IARS1: variants seen among roughly 807,000 people sequenced by gnomAD.
The protein encoded by IARS1 is isoleucyl-tRNA synthetase 1.
A neutral mutation model predicts 168.2 loss-of-function variants in IARS1; 124 were observed. That is an observed-to-expected ratio of 0.74 (90% CI 0.64 to 0.86). The LOEUF (loss-of-function observed/expected upper bound fraction) is 0.86, where lower values mean the gene tolerates loss of function less well. IARS1 is among the 40% of genes least tolerant of loss of function. IARS1 has a pLI of 0.00. For synonymous variants in IARS1, 532 were observed against 529.4 expected (o/e 1.00, Z -0.07); for missense variants, 1,452 against 1,515.8 (o/e 0.96, Z 0.70).
At chr9:92,291,498 G>GA in intron 1 of IARS1, among the ~76,000 whole-genome samples, 1 of 152,194 alleles carries the variant, frequency 6.6e-6, no homozygotes, top group East Asian at 1.9e-4. Flanking sequence ...TTTAATTTAA[G>GA]AAAAAACAGG....
intron 20 of IARS1, among the ~76,000 whole-genome samples, chr9:92,255,771 A>C (rs1041277688): frequency 6.6e-6 from 1 of 152,078 alleles, no homozygotes; most frequent in African/African-American, 2.4e-5. Flanking sequence ...GCAGATAAAG[A>C]AACTGAAGGT....
At chr9:92,258,632 A>G (rs10120980) in intron 19 of IARS1, among the ~76,000 whole-genome samples, 61,300 of 152,032 alleles carry the variant, frequency 0.4, 14,548 homozygotes, top group African/African-American at 0.66. Context: ...ACTATATGAC[A>G]TAACTCTTTT....
chr9:92,268,940 T>G (rs1228706266), intron 13 of IARS1, among the ~76,000 whole-genome samples: 1 of 152,186 alleles, frequency 6.6e-6, no homozygotes, highest in Non-Finnish European at 1.5e-5. Flanking sequence ...GAAATCCTTT[T>G]CAAGCACAAG....
In IARS1 at chr9:92,228,994, C is replaced by A. The variant is rs1285341000; in HGVS notation, c.3409+7G>T. 1 of 1,613,988 alleles carries A rather than the reference C, an allele frequency of 6.2e-7. No individual in the cohort carries two copies. The highest frequency in any genetic ancestry group is 1.3e-5 in the African/African-American group (1 of 75,038). On this transcript the variant is annotated splice_region_variant and intron_variant, in intron 31 of 33. Coordinates refer to ENST00000443024, the MANE Select transcript of IARS1 (RefSeq NM_002161.6). ...AAGGACGTAGGCTCCTCTCACTTTC[C>A]ACATACCTGTTTCATCATGGAAGAC...
At chr9:92,239,402 A>C (rs1287676997) in intron 30 of IARS1, among the ~76,000 whole-genome samples, 1 of 152,216 alleles carries the variant, frequency 6.6e-6, no homozygotes, top group Admixed American at 6.5e-5. Context: ...TCCTGATGAA[A>C]AATCCAATAT....
chr9:92,291,284 A>T (rs888451607), intron 1 of IARS1, among the ~76,000 whole-genome samples: 4 of 152,186 alleles, frequency 2.6e-5, no homozygotes, highest in Non-Finnish European at 5.9e-5. Flanking sequence ...AATCTTAAGT[A>T]CTCAAGAACC....
intron 8 of IARS1, 29 bp from the exon 9 acceptor site, chr9:92,277,952 T>G (rs1042911443): frequency 2.5e-6 from 4 of 1,603,002 alleles, no homozygotes; most frequent in Non-Finnish European, 3.4e-6. Context: ...AAACTCACAA[T>G]TAGATTAAAA....
intron 33 of IARS1, among the ~76,000 whole-genome samples, chr9:92,216,112 A>G (rs916312285): frequency 3.8e-4 from 58 of 151,662 alleles, no homozygotes; most frequent in South Asian, 1.9e-3. Context: ...AGTGGGGGCC[A>G]ATATTCAACA....
intron 22 of IARS1, 84 bp from the exon 23 acceptor site, chr9:92,250,918 G>T: frequency 1.4e-6 from 2 of 1,431,868 alleles, no homozygotes; most frequent in Non-Finnish European, 1.9e-6. Context: ...AACTAAACAT[G>T]TTAGAGAATG....
Position 92,247,520 on chromosome 9 carries a change from G to A in IARS1, c.2648C>T (p.Thr883Ile). The A allele has an allele frequency of 6.2e-7, 1 of 1,614,016 alleles. No individual in the cohort carries two copies. The highest frequency in any genetic ancestry group is 8.5e-7 in the Non-Finnish European group (1 of 1,179,992). The stretch of plus-strand genomic sequence containing the variant: ...CCGAATGCCATACTTGTTTTTATCT[G>A]TAGACAGTGTAACTTTTCGAACATT... ...ELNVRKVTLS[T>I]DKNKYGIRLR... is the part of the protein sequence containing the mutation. Residue 883 changes from threonine to isoleucine, a missense_variant, in exon 26 of 34, where the codon ACA becomes ATA. Thr to Ile is a moderately conservative substitution (Grantham distance 89). Coordinates refer to ENST00000443024, the MANE Select transcript of IARS1 (RefSeq NM_002161.6).
intron 9 of IARS1, among the ~76,000 whole-genome samples, chr9:92,276,941 C>A (rs1228058320): frequency 1.3e-5 from 2 of 152,154 alleles, no homozygotes; most frequent in Admixed American, 6.5e-5. Flanking sequence ...AATGTATGAG[C>A]TCTGTCGTGG....
chr9:92,278,426 C>T, intron 7 of IARS1, 140 bp from the exon 8 acceptor site: 1 of 651,258 alleles, frequency 1.5e-6, no homozygotes, highest in Non-Finnish European at 2.8e-6. Flanking sequence ...CAGAGAAATA[C>T]TGCAAAGAAC....
chr9:92,235,750 C>A (rs1169676787), intron 30 of IARS1, among the ~76,000 whole-genome samples: 1 of 151,938 alleles, frequency 6.6e-6, no homozygotes, highest in Non-Finnish European at 1.5e-5. Context: ...TGGTCTTGAA[C>A]TCCTGACCTT....
At chr9:92,211,540 C>G (rs145493394) in intron 33 of IARS1, among the ~76,000 whole-genome samples, 1 of 152,008 alleles carries the variant, frequency 6.6e-6, no homozygotes, top group East Asian at 1.9e-4. Flanking sequence ...GTGGATCTTT[C>G]CCTGAGTAGA....
chr9:92,244,352 A>G (rs1306244921), intron 27 of IARS1, among the ~76,000 whole-genome samples: 1 of 152,090 alleles, frequency 6.6e-6, no homozygotes, highest in Non-Finnish European at 1.5e-5. Context: ...CCTTTCATGG[A>G]GGTGCTGCTC....
intron 17 of IARS1, among the ~76,000 whole-genome samples, chr9:92,261,243 A>G (rs1227677748): frequency 6.6e-6 from 1 of 151,986 alleles, no homozygotes; most frequent in Non-Finnish European, 1.5e-5. Flanking sequence ...CAGGAGGTGG[A>G]GGCTGCAGTG....
At chr9:92,258,434 A>C (rs1213121958) in intron 19 of IARS1, among the ~76,000 whole-genome samples, 1 of 152,138 alleles carries the variant, frequency 6.6e-6, no homozygotes, top group Non-Finnish European at 1.5e-5. Context: ...TCTCCACTAA[A>C]AATATAAAAC....
In IARS1 at chr9:92,268,284, G is replaced by A. The variant is rs1564180069; in HGVS notation, c.1321C>T (p.Arg441Ter). ...AGCCAATTTCCAAATCGTTTTTCTC[G>A]TACCAACTCTGGGACCCTGCAATAA... ...DLCYWVPELV[R>*]EKRFGNWLKD... Residue 441 changes from arginine (R) to a stop codon, truncating the protein, a stop_gained, in exon 14 of 34, where the codon CGA (arginine) becomes TGA (stop). Coordinates refer to ENST00000443024, the MANE Select transcript of IARS1 (RefSeq NM_002161.6). LOFTEE classifies it high-confidence loss of function. 3 of 1,609,832 alleles carry A rather than the reference G, an allele frequency of 1.9e-6. No individual in the cohort carries two copies. The highest frequency in any genetic ancestry group is 1.1e-5 in the South Asian group (1 of 90,070).
chr9:92,292,181 CT>C (rs57075703), intron 1 of IARS1, among the ~76,000 whole-genome samples: 70 of 118,018 alleles, frequency 5.9e-4, no homozygotes, highest in Admixed American at 8.8e-4. Context: ...CCACACTCAG[CT>C]TTTTTTTTTT....
Sources: gnomAD v4.1 joint callset for allele counts (sites outside exome capture counted in the v4.1 genomes callset) on GRCh38, gnomAD v4.1.1 for gene constraint, MANE v1.5 for transcripts, NCBI Gene and HGNC (gene_info 2026-07-23, HGNC 2026-07-21) for gene names.